Variants in PRKCZ observed in about 807,000 individuals in gnomAD.
The protein encoded by PRKCZ is protein kinase C zeta type.
In PRKCZ, 33 loss-of-function variants were observed where a neutral mutation model predicts 79.5. The observed-to-expected ratio is 0.41, with a 90% confidence interval of 0.31 to 0.55. PRKCZ has a LOEUF of 0.55. Ranked by LOEUF, PRKCZ falls within the 20% of genes least tolerant of loss-of-function variation. PRKCZ has a pLI of 0.19. For missense variants in PRKCZ, 578 were observed against 813.5 expected (o/e 0.71, Z 3.52); for synonymous variants, 342 against 320.9 (o/e 1.07, Z -0.70).
At chr1:2,136,064 G>C (rs924911136) in intron 5 of PRKCZ, among the ~76,000 whole-genome samples, 1 of 152,152 alleles carries the variant, frequency 6.6e-6, no homozygotes, top group Non-Finnish European at 1.5e-5. Context: ...GCCCCTCACA[G>C]GAGCGGTGGC....
intron 10 of PRKCZ, among the ~76,000 whole-genome samples, chr1:2,157,003 A>G (rs1183701377): frequency 2.0e-5 from 3 of 152,242 alleles, no homozygotes; most frequent in South Asian, 2.1e-4. Context: ...ATAATCCGCC[A>G]TCTGCAGGCT....
intron 4 of PRKCZ, among the ~76,000 whole-genome samples, chr1:2,097,674 G>A (rs1004552182): frequency 3.9e-5 from 6 of 152,270 alleles, no homozygotes; most frequent in South Asian, 2.1e-4. Flanking sequence ...GGCACGCCTC[G>A]CACCGTGCTC....
At chr1:2,052,499 A>C (rs1571063806) in intron 1 of PRKCZ, among the ~76,000 whole-genome samples, 6 of 124,362 alleles carry the variant, frequency 4.8e-5, no homozygotes, top group Admixed American at 1.7e-4. Flanking sequence ...TCCCTGCCAC[A>C]CCTCTTCCTT....
intron 16 of PRKCZ, chr1:2,181,759 C>T (rs1228050804): frequency 4.4e-6 from 2 of 453,552 alleles, no homozygotes; most frequent in South Asian, 1.6e-5. Flanking sequence ...TTATTAAACC[C>T]TTGTAAAGCA....
At position 2,105,043 on chromosome 1, in the gene PRKCZ, G is replaced by A. The variant is rs756707065; in HGVS notation, c.335-30219G>A. 50 of 429,100 alleles carry A rather than the reference G, an allele frequency of 1.2e-4. 1 individual carries two copies. Among genetic ancestry groups the A allele is most frequent in the Non-Finnish European group, 1.5e-4 (48 of 321,578 alleles). The allele number at this position is 429,100 out of a possible 1,614,324, so 26.6% of individuals were successfully genotyped here. ...CTGTGAGTTCAGACTTCTCAAGGACGCTTGCATAGCCAACATTGTTGAGAA... is the reference window on the plus strand; with the variant it reads ...CTGTGAGTTCAGACTTCTCAAGGACACTTGCATAGCCAACATTGTTGAGAA... On this transcript the variant is annotated intron_variant, in intron 4 of 17. Coordinates refer to ENST00000378567, the MANE Select transcript of PRKCZ (RefSeq NM_002744.6).
intron 10 of PRKCZ, among the ~76,000 whole-genome samples, chr1:2,166,188 GC>G (rs1683283212): frequency 6.6e-6 from 1 of 152,346 alleles, no homozygotes; most frequent in African/African-American, 2.4e-5. Flanking sequence ...GGAGGCTGAG[GC>G]CGGAGGATCA....
At chr1:2,138,221 C>T (rs1421620196) in intron 5 of PRKCZ, among the ~76,000 whole-genome samples, 1 of 152,234 alleles carries the variant, frequency 6.6e-6, no homozygotes, top group Non-Finnish European at 1.5e-5. Flanking sequence ...AGAGACTTTT[C>T]CGTCCTCTTT....
In PRKCZ at chr1:2,169,473, C is replaced by T. The variant is rs760141550; in HGVS notation, c.975-45C>T. ...TGGGGCTTCTGTCTAAGGAGGCCGC[C>T]GTCTGCCGAGGTGACTGCAGCCTCC... On this transcript the variant is annotated intron_variant, in intron 10 of 17. Transcript: ENST00000378567. 9.3e-6 allele frequency: 14 copies of T among 1,511,068 alleles called. No individual in the cohort carries two copies. The Admixed American group carries it at 1.4e-4, about 15-fold the overall frequency. The allele number at this position is 1,511,068 out of a possible 1,614,324, so 93.6% of individuals were successfully genotyped here.
chr1:2,169,662 C>G, intron 11 of PRKCZ, 58 bp downstream of exon 11: 3 of 609,920 alleles, frequency 4.9e-6, no homozygotes, highest in Non-Finnish European at 4.6e-6. Flanking sequence ...TGGGTGGGTG[C>G]GTGCGGTGTT....
rs375089572 is a variant in PRKCZ at position 2,083,118 on chromosome 1, G to A, written c.334+23527G>A. Among the ~76,000 whole-genome samples, 55 of 152,298 alleles carry A rather than the reference G, an allele frequency of 3.6e-4. No homozygotes were observed. The South Asian group carries it at 0.011, about 31-fold the overall frequency. On this transcript the variant is annotated intron_variant, in intron 4 of 17. Coordinates refer to ENST00000378567, the MANE Select transcript of PRKCZ (RefSeq NM_002744.6). ...AACACGTATCGTTAGCGTTTCCCCT[G>A]TTGCTGGCCCCAGAGTGTTCGGTTC...
rs1410389940 is a variant in PRKCZ at position 2,174,382 on chromosome 1, A to G, written c.1405+366A>G. Among the ~76,000 whole-genome samples, 1 of 152,190 alleles carries G rather than the reference A, an allele frequency of 6.6e-6. No homozygotes were observed. The highest frequency in any genetic ancestry group is 1.5e-5 in the Non-Finnish European group (1 of 68,040). On this transcript the variant is annotated intron_variant, in intron 14 of 17. Coordinates refer to ENST00000378567, the MANE Select transcript of PRKCZ (RefSeq NM_002744.6). This position sits in a 1 kb window ranked among gnomAD's most constrained non-coding sequence, Gnocchi z 6.2. ...CCATCATGGGCTCCTTCCCACCTGGAGGCCCCGGGACCTGCTCCTGGTCTG... is the reference window on the plus strand; with the variant it reads ...CCATCATGGGCTCCTTCCCACCTGGGGGCCCCGGGACCTGCTCCTGGTCTG...
rs561195053 is a variant in PRKCZ at position 2,124,385 on chromosome 1, ACGG to A, written c.335-10873_335-10871del. On this transcript the variant is annotated intron_variant, in intron 4 of 17. Coordinates refer to ENST00000378567, the MANE Select transcript of PRKCZ (RefSeq NM_002744.6). Reference sequence around the variant, plus strand: ...TAGGGTCACGGCGGCGGTTAGGGTCACGGCGGTGGTTAGGGTCACGGTGGTGGT... The same window carrying A: ...TAGGGTCACGGCGGCGGTTAGGGTCACGGTGGTTAGGGTCACGGTGGTGGT... 4.4e-4 allele frequency among the ~76,000 whole-genome samples: 52 copies of A among 118,252 alleles called. 11 individuals are homozygous for A. The highest frequency in any genetic ancestry group is 1.7e-3 in the African/African-American group (48 of 28,152). The allele number at this position is 118,252 out of a possible 152,430, so 77.6% of individuals were successfully genotyped here.
Position 2,059,524 on chromosome 1 carries a change from T to C in PRKCZ, c.284-17T>C. 1 of 1,614,080 alleles carries C rather than the reference T, an allele frequency of 6.2e-7. No individual in the cohort carries two copies. Among genetic ancestry groups the C allele is most frequent in the Non-Finnish European group, 8.5e-7 (1 of 1,179,946 alleles). ...GCCGCAGGGTCTTGACGCTGTCTCT[T>C]TCTCTCTCTTGTCCAGTTTTCCCGA... On this transcript the variant is annotated splice_polypyrimidine_tract_variant and intron_variant, in intron 3 of 17. Transcript: ENST00000378567.
At chr1:2,095,043 C>T (rs1170925503) in intron 4 of PRKCZ, among the ~76,000 whole-genome samples, 1 of 152,176 alleles carries the variant, frequency 6.6e-6, no homozygotes, top group East Asian at 1.9e-4. Context: ...ATGTGCTGCT[C>T]CGCCACACCC....
chr1:2,184,919 C>T lies in PRKCZ; in HGVS notation c.1692-3C>T. On this transcript the variant is annotated splice_region_variant and splice_polypyrimidine_tract_variant and intron_variant, in intron 17 of 17. Coordinates refer to ENST00000378567, the MANE Select transcript of PRKCZ (RefSeq NM_002744.6). ...CCCTCCCCCCTGCCACCTTTGCCCA[C>T]AGGGATGCCATAAAGAGGATCGACC... 4 of 1,613,426 alleles carry T rather than the reference C, an allele frequency of 2.5e-6. No homozygotes were observed. Among genetic ancestry groups the T allele is most frequent in the Non-Finnish European group, 1.7e-6 (2 of 1,179,686 alleles).
At chr1:2,076,342 A>G (rs1481438618) in intron 4 of PRKCZ, among the ~76,000 whole-genome samples, 1 of 152,208 alleles carries the variant, frequency 6.6e-6, no homozygotes, top group African/African-American at 2.4e-5. Flanking sequence ...CGTCCCTCAC[A>G]GCACAGGCTG....
chr1:2,169,802 G>A (rs1222608728), intron 11 of PRKCZ, among the ~76,000 whole-genome samples, 198 bp downstream of exon 11: 9 of 130,086 alleles, frequency 6.9e-5, no homozygotes, highest in Non-Finnish European at 1.0e-4. Flanking sequence ...GGGGGCGGGG[G>A]GGGCGGGGTG....
rs867538048 is a variant in PRKCZ at position 2,172,687 on chromosome 1, C to G, written c.1285+299C>G. Among the ~76,000 whole-genome samples, 10 of 152,182 alleles carry G rather than the reference C, an allele frequency of 6.6e-5. No homozygotes were observed. ...GCGGGGGTGGGACAGGGTGCAGCAC[C>G]TGAGTCCCCGTGCTGCACGAGTGGC... On this transcript the variant is annotated intron_variant, in intron 13 of 17. Transcript: ENST00000378567. This position sits in a 1 kb window ranked among gnomAD's most constrained non-coding sequence, Gnocchi z 7.8.
In PRKCZ at chr1:2,094,050, T is replaced by G. The variant is rs942198699; in HGVS notation, c.334+34459T>G. ...GTCCACAGCACCTGCCAGCCCACTT[T>G]GGGTGACCCTCCTGTTTGTCCTGTC... On this transcript the variant is annotated intron_variant, in intron 4 of 17. Coordinates refer to ENST00000378567, the MANE Select transcript of PRKCZ (RefSeq NM_002744.6). The surrounding 1 kb of genome is among the most constrained non-coding windows in gnomAD (Gnocchi z 7.3). Among the ~76,000 whole-genome samples the G allele has an allele frequency of 6.6e-6, 1 of 152,170 alleles. No homozygotes were observed. The highest frequency in any genetic ancestry group is 2.4e-5 in the African/African-American group (1 of 41,422).
Sources: gnomAD v4.1 joint callset for allele counts (sites outside exome capture counted in the v4.1 genomes callset) on GRCh38, gnomAD v4.1.1 for gene constraint, Gnocchi (gnomAD v3.1) non-coding constraint, MANE v1.5 for transcripts, NCBI Gene and HGNC (gene_info 2026-07-23, HGNC 2026-07-21) for gene names.